Variants in KICS2 observed in about 807,000 individuals in gnomAD.
KICS2 encodes KICSTOR complex protein C12orf66.
KICS2 carries 13 observed loss-of-function variants against 31.4 expected under a neutral mutation model. The observed-to-expected ratio is 0.41, with a 90% CI of 0.27 to 0.66. The LOEUF is 0.66. KICS2 is among the 30% of genes least tolerant of loss of function. KICS2 has a pLI of 0.28. For missense variants in KICS2, 455 were observed against 545.4 expected (o/e 0.83, Z 1.65); for synonymous variants, 209 against 214.8 (o/e 0.97, Z 0.24).
In KICS2 at chr12:64,215,930, A is replaced by T. The variant is rs2037624605; in HGVS notation, c.269T>A (p.Ile90Asn). ...GQSFFSRKDS[I>N]RTIYTSLHNE... is the part of the protein sequence containing the mutation. ...ATGCAATGAAGTATAGATGGTGCGG[A>T]TGGAATCCTTCCTGCTGAAGAAAGA... is the stretch of plus-strand genomic sequence containing the variant. Residue 90 changes from isoleucine (I) to asparagine (N), a missense_variant, in exon 2 of 3, where the codon ATC becomes AAC. Ile to Asn is a moderately radical substitution (Grantham distance 149, BLOSUM62 -3). Transcript: ENST00000398055. 1 of 1,613,352 alleles carries T rather than the reference A, an allele frequency of 6.2e-7. No individual in the cohort carries two copies. Among genetic ancestry groups the T allele is most frequent in the Non-Finnish European group, 8.5e-7 (1 of 1,179,548 alleles).
chr12:64,192,601 C>G lies in KICS2; in HGVS notation c.*1241G>C. 17 of 985,308 alleles carry G rather than the reference C, an allele frequency of 1.7e-5. No homozygotes were observed. The highest frequency in any genetic ancestry group is 2.0e-5 in the Non-Finnish European group (17 of 829,820). 61.0% of individuals were successfully genotyped at this position (985,308 alleles called of 1,614,324 possible). On this transcript the variant is annotated 3_prime_UTR_variant, in exon 3 of 3. Coordinates refer to ENST00000398055, the MANE Select transcript of KICS2 (RefSeq NM_152440.5). ...ACGAATATGACCATTACATTTCACA[C>G]AAGCTTCAAAGGAACCATCAAACCA...
intron 1 of KICS2, among the ~76,000 whole-genome samples, chr12:64,219,505 C>G (rs2037659414): frequency 6.6e-6 from 1 of 152,138 alleles, no homozygotes; most frequent in Admixed American, 6.6e-5. Flanking sequence ...GCCCTGCTTG[C>G]TTCTTTAATC....
intron 2 of KICS2, among the ~76,000 whole-genome samples, chr12:64,206,683 C>T (rs1203393257): frequency 1.3e-5 from 2 of 152,136 alleles, no homozygotes; most frequent in Non-Finnish European, 2.9e-5. Flanking sequence ...GTGGTACATA[C>T]ATACAAATGG....
chr12:64,205,517 CAGCAGCA>C (rs1229922707), intron 2 of KICS2, among the ~76,000 whole-genome samples: 3 of 151,464 alleles, frequency 2.0e-5, no homozygotes, highest in African/African-American at 7.3e-5. Flanking sequence ...ACCTAAGCTA[CAGCAGCA>C]AGCTTGAAAG....
rs2037378959 is a variant in KICS2 at position 64,191,574 on chromosome 12, T to A, written c.*2268A>T. On this transcript the variant is annotated 3_prime_UTR_variant, in exon 3 of 3. Coordinates refer to ENST00000398055, the MANE Select transcript of KICS2 (RefSeq NM_152440.5). ...AAATACATGCATACCAAGGAATATT[T>A]TTCAGTTTCTTGGCAGAACACAATA... 6.6e-6 allele frequency: 1 copy of A among 152,164 alleles called. No homozygotes were observed. The highest frequency in any genetic ancestry group is 1.5e-5 in the Non-Finnish European group (1 of 68,042). The allele number at this position is 152,164 out of a possible 1,614,324, so 9.4% of individuals were successfully genotyped here.
chr12:64,192,890 T>A lies in KICS2; in HGVS notation c.*952A>T, dbSNP rs1466620917. 1.0e-6 allele frequency: 1 copy of A among 985,368 alleles called. No homozygotes were observed. Among genetic ancestry groups the A allele is most frequent in the Non-Finnish European group, 1.2e-6 (1 of 829,950 alleles). 61.0% of individuals were successfully genotyped at this position (985,368 alleles called of 1,614,324 possible). On this transcript the variant is annotated 3_prime_UTR_variant, in exon 3 of 3. Transcript: ENST00000398055. ...ATGAAGAGGTCTTTCAAGCGCACAG[T>A]TGATTTTTAGCAAGTACAGCGTATG...
intron 1 of KICS2, among the ~76,000 whole-genome samples, chr12:64,217,693 C>T (rs188577526): frequency 5.8e-4 from 88 of 151,792 alleles, no homozygotes; most frequent in African/African-American, 1.8e-3. Flanking sequence ...CCCAGCTACT[C>T]GGGAGGCTGA....
In KICS2 at chr12:64,222,131, T is replaced by C; in HGVS notation, c.107A>G (p.Asn36Ser). 2 of 1,614,018 alleles carry C rather than the reference T, an allele frequency of 1.2e-6. No individual in the cohort carries two copies. The highest frequency in any genetic ancestry group is 2.2e-5 in the East Asian group (1 of 44,850). Residue 36 changes from asparagine to serine, a missense_variant, in exon 1 of 3, where the codon AAT (asparagine) becomes AGT (serine). Transcript: ENST00000398055. ...GIFSYDKAKD[N>S]VEKEREANKS... ...GTTGGCCTCTCGTTCCTTCTCCACA[T>C]TGTCCTTAGCCTTGTCGTAAGAGAA... is the stretch of plus-strand genomic sequence containing the variant.
chr12:64,205,757 A>AAGGGAAGGAAGGAAAG (rs2037533099), intron 2 of KICS2, among the ~76,000 whole-genome samples: 1 of 34,624 alleles, frequency 2.9e-5, no homozygotes. Flanking sequence ...AGGGAGGGAA[A>AAGGGAAGGAAGGAAAG]AGGGAAGGAA....
chr12:64,214,060 T>C (rs1430120841), intron 2 of KICS2, among the ~76,000 whole-genome samples: 2 of 152,338 alleles, frequency 1.3e-5, no homozygotes, highest in East Asian at 3.9e-4. Flanking sequence ...CACCATCCCA[T>C]TGCACACACA....
intron 2 of KICS2, among the ~76,000 whole-genome samples, chr12:64,211,458 AT>A (rs1294578970): frequency 2.0e-5 from 3 of 152,184 alleles, no homozygotes; most frequent in African/African-American, 7.2e-5. Context: ...TCTACTAAAG[AT>A]ACAAAAAAAA....
chr12:64,213,559 A>G (rs574059937), intron 2 of KICS2, among the ~76,000 whole-genome samples: 29 of 152,290 alleles, frequency 1.9e-4, no homozygotes, highest in African/African-American at 7.0e-4. Context: ...GTATATATAA[A>G]TATTTCCACC....
At chr12:64,195,483 T>A (rs2136688822) in intron 2 of KICS2, among the ~76,000 whole-genome samples, 1 of 152,314 alleles carries the variant, frequency 6.6e-6, no homozygotes, top group African/African-American at 2.4e-5. Flanking sequence ...GTAGATAAAA[T>A]AAATGTTTAT....
intron 2 of KICS2, among the ~76,000 whole-genome samples, chr12:64,211,093 T>C (rs1463832574): frequency 1.3e-5 from 2 of 152,210 alleles, no homozygotes; most frequent in African/African-American, 4.8e-5. Flanking sequence ...AAACCACTTT[T>C]ACATTAGTGT....
rs1477323980 is a variant in KICS2 at position 64,198,872 on chromosome 12, C to G, written c.522-4214G>C. On this transcript the variant is annotated intron_variant, in intron 2 of 2. Coordinates refer to ENST00000398055, the MANE Select transcript of KICS2 (RefSeq NM_152440.5). ...TCTAGACGAAATGGATAAATTCCTC[C>G]ACACATACACTCTCCCAAGACTAAA... Among the ~76,000 whole-genome samples, 3 of 151,612 alleles carry G rather than the reference C, an allele frequency of 2.0e-5. No individual in the cohort carries two copies. In the South Asian group the frequency reaches 6.2e-4, roughly 32 times the overall value.
At position 64,191,812 on chromosome 12, in the gene KICS2, T is replaced by C. The variant is rs1371362491; in HGVS notation, c.*2030A>G. 2.0e-5 allele frequency: 3 copies of C among 152,108 alleles called. No homozygotes were observed. The highest frequency in any genetic ancestry group is 2.9e-5 in the Non-Finnish European group (2 of 68,020). The allele number at this position is 152,108 out of a possible 1,614,324, so 9.4% of individuals were successfully genotyped here. A position where few individuals can be genotyped will look rare whatever the true frequency, so the allele number is the denominator to read the frequency against. On this transcript the variant is annotated 3_prime_UTR_variant, in exon 3 of 3. Transcript: ENST00000398055. The stretch of plus-strand genomic sequence containing the variant: ...AAAGGAGGCCAGGTGCAGTGGCACA[T>C]GCTTATAAACCCAGTGCTTTGGGAG...
downstream of KICS2, among the ~76,000 whole-genome samples, chr12:64,189,485 G>C (rs1204043015): frequency 3.3e-5 from 5 of 152,150 alleles, no homozygotes; most frequent in Non-Finnish European, 5.9e-5. Flanking sequence ...AAAAACAAGT[G>C]ATAGTTCAAG....
chr12:64,189,240 G>C (rs780440426), downstream of KICS2, among the ~76,000 whole-genome samples: 18 of 152,176 alleles, frequency 1.2e-4, no homozygotes, highest in Non-Finnish European at 2.2e-4. Context: ...TGTACTTCAA[G>C]GTACTAAATA....
chr12:64,215,423 G>A (rs972565115), intron 2 of KICS2, among the ~76,000 whole-genome samples: 3 of 151,960 alleles, frequency 2.0e-5, no homozygotes, highest in Non-Finnish European at 1.5e-5. Flanking sequence ...CAGCAAAATC[G>A]GTTATAATAC....
Sources: gnomAD v4.1 joint callset for allele counts (sites outside exome capture counted in the v4.1 genomes callset) on GRCh38, gnomAD v4.1.1 for gene constraint, MANE v1.5 for transcripts, NCBI Gene and HGNC (gene_info 2026-07-23, HGNC 2026-07-21) for gene names.